The following PTPDC1 variants were observed in gnomAD, a reference collection of about 807,000 sequenced individuals.
PTPDC1 encodes protein tyrosine phosphatase domain-containing protein 1.
Under a neutral mutation model 75.3 loss-of-function variants are expected in PTPDC1, and 53 were observed. The observed-to-expected ratio is 0.70, with a 90% CI of 0.56 to 0.88. The LOEUF (loss-of-function observed/expected upper bound fraction) is 0.88, where lower values mean the gene tolerates loss of function less well. PTPDC1 is among the 40% of genes least tolerant of loss of function. The probability of loss-of-function intolerance (pLI) is 0.00; values close to 1 mark genes in which losing one functional copy is unlikely to be tolerated. For synonymous variants in PTPDC1, 349 were observed against 366.2 expected (o/e 0.95, Z 0.54); for missense variants, 925 against 998.6 (o/e 0.93, Z 0.99).
chr9:94,096,819 G>A (rs1404771640), intron 5 of PTPDC1, among the ~76,000 whole-genome samples: 2 of 152,216 alleles, frequency 1.3e-5, no homozygotes, highest in East Asian at 3.9e-4. Flanking sequence ...GTGGTAGGGA[G>A]AGTGCCAAGC....
chr9:94,093,150 T>A lies in PTPDC1; in HGVS notation c.617-2167T>A, dbSNP rs1827393500. Among the ~76,000 whole-genome samples the A allele has an allele frequency of 1.3e-4, 20 of 152,256 alleles. No individual in the cohort carries two copies. The South Asian group carries it at 4.2e-3, about 32-fold the overall frequency. On this transcript the variant is annotated intron_variant, in intron 4 of 8. Coordinates refer to ENST00000620992, the MANE Select transcript of PTPDC1 (RefSeq NM_001253829.2). The stretch of plus-strand genomic sequence containing the variant: ...TTATGATGTTAGCTGGTTATTTTGC[T>A]CGTTAGTTGATGCAGTTTCTTCCTA...
At chr9:94,045,707 T>A (rs1014412627) in intron 1 of PTPDC1, among the ~76,000 whole-genome samples, 1 of 152,252 alleles carries the variant, frequency 6.6e-6, no homozygotes, top group Non-Finnish European at 1.5e-5. Context: ...TTTTTTCTTA[T>A]AAATTTGTTT....
chr9:94,066,398 G>A (rs963145649), intron 2 of PTPDC1, among the ~76,000 whole-genome samples: 2 of 152,034 alleles, frequency 1.3e-5, no homozygotes, highest in Non-Finnish European at 1.5e-5. Context: ...TGGATGGGAA[G>A]TATTTTTTTA....
At chr9:94,075,997 G>C (rs1341091995) in intron 2 of PTPDC1, among the ~76,000 whole-genome samples, 3 of 130,210 alleles carry the variant, frequency 2.3e-5, no homozygotes, top group Non-Finnish European at 5.5e-5. Flanking sequence ...TGTGTGTTTT[G>C]TTTGTTTGTT....
chr9:94,104,267 A>G lies in PTPDC1; in HGVS notation c.2200-8A>G. 1 of 1,590,028 alleles carries G rather than the reference A, an allele frequency of 6.3e-7. No individual in the cohort carries two copies. The highest frequency in any genetic ancestry group is 8.6e-7 in the Non-Finnish European group (1 of 1,163,418). On this transcript the variant is annotated splice_region_variant and splice_polypyrimidine_tract_variant and intron_variant, in intron 7 of 8. Transcript: ENST00000620992. ...AAATTTTTTAAATTTTGATTTCTAC[A>G]AAAACAGGGACAGCACCAGACTATT...
At chr9:94,051,391 A>G (rs924247643) in intron 1 of PTPDC1, among the ~76,000 whole-genome samples, 8 of 152,224 alleles carry the variant, frequency 5.3e-5, no homozygotes, top group Non-Finnish European at 8.8e-5. Flanking sequence ...GTATGATATT[A>G]ACTGTGACTT....
chr9:94,056,391 C>T (rs971566573), intron 1 of PTPDC1, among the ~76,000 whole-genome samples: 2 of 152,164 alleles, frequency 1.3e-5, no homozygotes, highest in African/African-American at 4.8e-5. Flanking sequence ...AGAATCTAAT[C>T]ACATTGACAA....
intron 8 of PTPDC1, among the ~76,000 whole-genome samples, chr9:94,106,386 G>T (rs1354084582): frequency 6.6e-6 from 1 of 152,208 alleles, no homozygotes; most frequent in Non-Finnish European, 1.5e-5. Context: ...CAGGGCAAAG[G>T]TTGGCAGATT....
chr9:94,089,541 G>A lies in PTPDC1; in HGVS notation c.616+1278G>A, dbSNP rs1252803976. 2.3e-5 allele frequency among the ~76,000 whole-genome samples: 3 copies of A among 130,804 alleles called. No individual in the cohort carries two copies. The East Asian group carries it at 6.5e-4, about 28-fold the overall frequency. 85.8% of individuals were successfully genotyped at this position (130,804 alleles called of 152,430 possible). On this transcript the variant is annotated intron_variant, in intron 4 of 8. Coordinates refer to ENST00000620992, the MANE Select transcript of PTPDC1 (RefSeq NM_001253829.2). ...GTGAATAGTGCCGCAATAAACATAC[G>A]TGTGCATGTGTCTTTATAGCAGCAT...
intron 4 of PTPDC1, among the ~76,000 whole-genome samples, chr9:94,094,277 G>C (rs1005241707): frequency 4.3e-4 from 65 of 151,674 alleles, no homozygotes; most frequent in Non-Finnish European, 8.1e-4. Context: ...TGTCCTTTCT[G>C]TTTGTTAGTT....
upstream of PTPDC1, among the ~76,000 whole-genome samples, chr9:94,081,638 A>C (rs569606357): frequency 1.4e-4 from 22 of 152,374 alleles, no homozygotes; most frequent in East Asian, 1.7e-3. Context: ...CGGAGGCCTT[A>C]GCAAGAGTGG....
chr9:94,096,147 G>A (rs6479528), intron 5 of PTPDC1, among the ~76,000 whole-genome samples: 86,909 of 151,686 alleles, frequency 0.57, 25,966 homozygotes, highest in African/African-American at 0.75. Flanking sequence ...AATGAAGGCC[G>A]TAGGGCTGAA....
chr9:94,069,033 C>A (rs796217218), intron 2 of PTPDC1, among the ~76,000 whole-genome samples: 13 of 152,290 alleles, frequency 8.5e-5, no homozygotes, highest in African/African-American at 3.1e-4. Context: ...ACAGCAAGAT[C>A]TTCCAGCTCA....
At chr9:94,053,051 A>G (rs1236401815) in intron 1 of PTPDC1, among the ~76,000 whole-genome samples, 1 of 152,218 alleles carries the variant, frequency 6.6e-6, no homozygotes, top group African/African-American at 2.4e-5. Flanking sequence ...TGTTTTCTTA[A>G]GGATCCAAAT....
intron 4 of PTPDC1, among the ~76,000 whole-genome samples, chr9:94,088,530 T>C (rs1038779186): frequency 2.0e-5 from 3 of 152,202 alleles, no homozygotes; most frequent in African/African-American, 7.2e-5. Flanking sequence ...GTCACTATTA[T>C]CTCATTTAAC....
intron 2 of PTPDC1, among the ~76,000 whole-genome samples, chr9:94,066,268 T>C (rs904321905): frequency 1.1e-4 from 17 of 152,236 alleles, no homozygotes; most frequent in Non-Finnish European, 2.9e-5. Flanking sequence ...AATTTTCCTC[T>C]TAGTATAAAT....
chr9:94,032,935 C>A (rs906622667), intron 1 of PTPDC1, among the ~76,000 whole-genome samples: 30 of 152,140 alleles, frequency 2.0e-4, no homozygotes, highest in African/African-American at 7.2e-4. Context: ...AATCTCAGCT[C>A]ACTGCATCCT....
chr9:94,067,232 A>G (rs942141181), intron 2 of PTPDC1, among the ~76,000 whole-genome samples: 1 of 152,006 alleles, frequency 6.6e-6, no homozygotes, highest in African/African-American at 2.4e-5. Flanking sequence ...TACTAAAAAT[A>G]CAAAAAAATT....
intron 2 of PTPDC1, among the ~76,000 whole-genome samples, chr9:94,071,893 TTTGA>T (rs1014405396): frequency 6.6e-6 from 1 of 152,180 alleles, no homozygotes; most frequent in African/African-American, 2.4e-5. Context: ...TTTTTATATC[TTTGA>T]TTTATTTCAT....
Sources: gnomAD v4.1 joint callset for allele counts (sites outside exome capture counted in the v4.1 genomes callset) on GRCh38, gnomAD v4.1.1 for gene constraint, MANE v1.5 for transcripts, NCBI Gene and HGNC (gene_info 2026-07-23, HGNC 2026-07-21) for gene names.